LIN54: variants seen among roughly 807,000 people sequenced by gnomAD.
The protein encoded by LIN54 is lin-54 DREAM MuvB core complex component.
Under a neutral mutation model 78.7 loss-of-function variants are expected in LIN54, and 9 were observed. The observed-to-expected ratio is 0.11, with a 90% CI of 0.07 to 0.20. LIN54 has a LOEUF of 0.20. LIN54 is among the 10% of genes least tolerant of loss of function. LIN54 has a pLI of 1.00. For synonymous variants in LIN54, 269 were observed against 318.4 expected, an observed-to-expected ratio of 0.84 and a Z score of 1.65; for missense variants, 573 against 889.9, an observed-to-expected ratio of 0.64 and a Z score of 4.53.
chr4:82,943,734 C>A (rs1723122973), intron 5 of LIN54, among the ~76,000 whole-genome samples: 1 of 150,596 alleles, frequency 6.6e-6, no homozygotes, highest in Non-Finnish European at 1.5e-5. Flanking sequence ...AGGTGAAAAG[C>A]AAAAAAGGAA....
At chr4:83,010,372 C>CG (rs1438599367) in intron 1 of LIN54, 112 bp downstream of exon 1, 9 of 389,708 alleles carry the variant, frequency 2.3e-5, no homozygotes, top group Non-Finnish European at 3.3e-5. Flanking sequence ...CTTCGCACTC[C>CG]GGACAAGTCA....
chr4:82,972,789 T>C (rs887392741), intron 3 of LIN54, among the ~76,000 whole-genome samples: 1 of 152,054 alleles, frequency 6.6e-6, no homozygotes. Context: ...GAGACCAGCC[T>C]GGCCAACATG....
intron 4 of LIN54, among the ~76,000 whole-genome samples, chr4:82,959,167 A>G (rs1203367176): frequency 6.6e-6 from 1 of 152,150 alleles, no homozygotes; most frequent in Non-Finnish European, 1.5e-5. Context: ...CCTGAAACAA[A>G]AAAAAGGACG....
chr4:82,988,264 T>C (rs939995159), intron 1 of LIN54, among the ~76,000 whole-genome samples: 3 of 152,240 alleles, frequency 2.0e-5, no homozygotes, highest in Admixed American at 6.5e-5. Context: ...TAATATATTA[T>C]GTACTTATGA....
chr4:82,983,956 A>G (rs1210769715), intron 2 of LIN54, among the ~76,000 whole-genome samples: 1 of 152,246 alleles, frequency 6.6e-6, no homozygotes, highest in East Asian at 1.9e-4. Context: ...ACCAAAATTA[A>G]GTTTGCTTTC....
chr4:82,971,230 C>T (rs1334745847), intron 3 of LIN54, among the ~76,000 whole-genome samples: 1 of 152,142 alleles, frequency 6.6e-6, no homozygotes, highest in Non-Finnish European at 1.5e-5. Flanking sequence ...AGCTTTCTTC[C>T]ATTCTGGACA....
chr4:82,975,265 G>A (rs917247957), intron 3 of LIN54, among the ~76,000 whole-genome samples: 2 of 151,684 alleles, frequency 1.3e-5, no homozygotes, highest in African/African-American at 4.8e-5. Flanking sequence ...AGCTGAGGCA[G>A]GAGAATCACT....
At chr4:82,975,183 C>A (rs1195250918) in intron 3 of LIN54, among the ~76,000 whole-genome samples, 1 of 151,562 alleles carries the variant, frequency 6.6e-6, no homozygotes, top group African/African-American at 2.4e-5. Flanking sequence ...AATGGTGAAA[C>A]CCCTTCTCTA....
At chr4:82,982,238 T>C (rs1046159980) in intron 2 of LIN54, among the ~76,000 whole-genome samples, 30 of 152,148 alleles carry the variant, frequency 2.0e-4, no homozygotes, top group African/African-American at 6.0e-4. Context: ...TTAGTTTATT[T>C]TTATTTTTTT....
At chr4:82,984,054 G>A (rs1197756126) in intron 2 of LIN54, 107 bp downstream of exon 2, 1 of 749,986 alleles carries the variant, frequency 1.3e-6, no homozygotes, top group Non-Finnish European at 2.1e-6. Flanking sequence ...ACATTCAAAA[G>A]AATTCAGTAA....
chr4:82,979,963 A>AAAAAAAAAAAAAC (rs1726495818), intron 2 of LIN54, among the ~76,000 whole-genome samples: 1 of 138,746 alleles, frequency 7.2e-6, no homozygotes, highest in Non-Finnish European at 1.6e-5. Flanking sequence ...AAAAAAAAAA[A>AAAAAAAAAAAAAC]AAATACTGGG....
At chr4:83,006,448 CAAA>C (rs1186424720) in intron 1 of LIN54, among the ~76,000 whole-genome samples, 2 of 60,048 alleles carry the variant, frequency 3.3e-5, no homozygotes. Flanking sequence ...GACTCCGTCT[CAAA>C]AAAAAAAAAA....
intron 2 of LIN54, among the ~76,000 whole-genome samples, chr4:82,980,635 A>G (rs1553955268): frequency 6.6e-6 from 1 of 152,144 alleles, no homozygotes; most frequent in Non-Finnish European, 1.5e-5. Flanking sequence ...ATACTCAAAT[A>G]AATCTATAAT....
intron 3 of LIN54, among the ~76,000 whole-genome samples, chr4:82,972,640 T>C (rs2126073217): frequency 6.6e-6 from 1 of 152,358 alleles, no homozygotes; most frequent in Non-Finnish European, 1.5e-5. Flanking sequence ...TCATTATTTA[T>C]AGCCACTGCT....
intron 4 of LIN54, among the ~76,000 whole-genome samples, chr4:82,965,345 T>A (rs1725118138): frequency 6.6e-6 from 1 of 152,118 alleles, no homozygotes; most frequent in South Asian, 2.1e-4. Flanking sequence ...TAAAGTAAAT[T>A]GAGAAAACAC....
rs1726061910 is a variant in LIN54 at position 82,975,179 on chromosome 4, G to C, written c.808+3704C>G. Among the ~76,000 whole-genome samples the C allele has an allele frequency of 2.0e-5, 3 of 151,834 alleles. No homozygotes were observed. The South Asian group carries it at 6.2e-4, about 32-fold the overall frequency. On this transcript the variant is annotated intron_variant, in intron 3 of 12. Transcript: ENST00000340417. ...TCAAGACCAGCCTGGCCAAAATGGT[G>C]AAACCCCTTCTCTACTAAAAATACA... is the stretch of plus-strand genomic sequence containing the variant.
At chr4:82,974,198 A>C (rs1215316346) in intron 3 of LIN54, among the ~76,000 whole-genome samples, 1 of 151,896 alleles carries the variant, frequency 6.6e-6, no homozygotes, top group Non-Finnish European at 1.5e-5. Context: ...TGACAGAGCA[A>C]AACTCCCTCT....
chr4:82,932,092 A>ATTT lies in LIN54; in HGVS notation c.1846-950_1846-948dup, dbSNP rs70943171. Among the ~76,000 whole-genome samples the ATTT allele has an allele frequency of 4.8e-4, 60 of 124,838 alleles. 1 individual carries two copies. The highest frequency in any genetic ancestry group is 7.2e-4 in the Non-Finnish European group (43 of 59,676). The allele number at this position is 124,838 out of a possible 152,430, so 81.9% of individuals were successfully genotyped here. A position where few individuals can be genotyped will look rare whatever the true frequency, so the allele number is the denominator to read the frequency against. ...CTGGTTAACAGGTCTGTGTATTTTAATTTTTTTTTTTTTTTTTTTTGAGAT... is the reference window on the plus strand; with the variant it reads ...CTGGTTAACAGGTCTGTGTATTTTAATTTTTTTTTTTTTTTTTTTTTTTGAGAT... On this transcript the variant is annotated intron_variant, in intron 11 of 12. Coordinates refer to ENST00000340417, the MANE Select transcript of LIN54 (RefSeq NM_194282.4).
upstream of LIN54, among the ~76,000 whole-genome samples, chr4:83,011,125 C>G (rs1729834477): frequency 6.6e-6 from 1 of 152,206 alleles, no homozygotes; most frequent in African/African-American, 2.4e-5. Context: ...ATTTTCAGAG[C>G]AGCAACTTGA....
Sources: allele counts gnomAD v4.1 joint callset (sites outside exome capture counted in the v4.1 genomes callset), GRCh38; gene constraint gnomAD v4.1.1; transcripts MANE v1.5; gene names NCBI Gene and HGNC (gene_info 2026-07-23, HGNC 2026-07-21).